The following RAB22A variants were observed in gnomAD, a reference collection of about 807,000 sequenced individuals.
RAB22A encodes the protein RAB22A, member RAS oncogene family, also known as ras-related protein Rab-22A.
Under a neutral mutation model 30.2 loss-of-function variants are expected in RAB22A, and 13 were observed. The observed-to-expected ratio is 0.43, with a 90% CI of 0.28 to 0.68. RAB22A has a LOEUF of 0.68. Ranked by LOEUF, RAB22A falls within the 30% of genes least tolerant of loss-of-function variation. RAB22A has a pLI of 0.18. For synonymous variants in RAB22A, 89 were observed against 87.2 expected (o/e 1.02, Z -0.11); for missense variants, 177 against 246.8 (o/e 0.72, Z 1.89).
At chr20:58,344,203 A>G (rs1986905476) in intron 3 of RAB22A, among the ~76,000 whole-genome samples, 1 of 152,256 alleles carries the variant, frequency 6.6e-6, no homozygotes, top group African/African-American at 2.4e-5. Flanking sequence ...GGAACTTTAC[A>G]GCATATGAAG....
intron 6 of RAB22A, 131 bp downstream of exon 6, chr20:58,354,396 G>T: frequency 1.7e-6 from 1 of 597,398 alleles, no homozygotes. Context: ...AATGAAGTTG[G>T]AGAAGGTAAG....
chr20:58,317,220 C>CTGTAGCT (rs1986359638), intron 2 of RAB22A, among the ~76,000 whole-genome samples: 1 of 152,048 alleles, frequency 6.6e-6, no homozygotes, highest in African/African-American at 2.4e-5. Flanking sequence ...TTTCGACCTC[C>CTGTAGCT]CGAGTAGCTG....
chr20:58,345,107 G>A (rs1011493207), intron 3 of RAB22A, among the ~76,000 whole-genome samples: 50 of 152,150 alleles, frequency 3.3e-4, no homozygotes, highest in African/African-American at 1.2e-3. Context: ...CCACGAATCC[G>A]TGTGGCCCTT....
At chr20:58,312,380 A>G (rs1168420702) in intron 2 of RAB22A, among the ~76,000 whole-genome samples, 7 of 142,650 alleles carry the variant, frequency 4.9e-5, no homozygotes, top group African/African-American at 1.6e-4. Context: ...CACCTCAGGT[A>G]GCTGAGATCA....
chr20:58,338,455 A>C (rs1223958793), intron 2 of RAB22A, among the ~76,000 whole-genome samples: 1 of 152,220 alleles, frequency 6.6e-6, no homozygotes, highest in African/African-American at 2.4e-5. Context: ...TCCGTTGTGC[A>C]CCACTCTGCT....
intron 2 of RAB22A, among the ~76,000 whole-genome samples, chr20:58,332,833 G>A (rs1161856330): frequency 1.3e-5 from 2 of 151,896 alleles, no homozygotes; most frequent in African/African-American, 4.8e-5. Context: ...GCTGATAACC[G>A]GAAATAAAGA....
Position 58,309,897 on chromosome 20 carries a change from C to T in RAB22A, c.-80C>T. ...CTGGGCCGTGCGGCGGCAGCGGCGCCAGGGGATGCTCTTGCTGGGCCTGGC... is the reference window on the plus strand; with the variant it reads ...CTGGGCCGTGCGGCGGCAGCGGCGCTAGGGGATGCTCTTGCTGGGCCTGGC... On this transcript the variant is annotated 5_prime_UTR_variant, in exon 1 of 7. Coordinates refer to ENST00000244040, the MANE Select transcript of RAB22A (RefSeq NM_020673.3). 1 of 1,220,830 alleles carries T rather than the reference C, an allele frequency of 8.2e-7. No individual in the cohort carries two copies. Among genetic ancestry groups the T allele is most frequent in the Non-Finnish European group, 1.0e-6 (1 of 964,302 alleles). The allele number at this position is 1,220,830 out of a possible 1,614,324, so 75.6% of individuals were successfully genotyped here.
chr20:58,332,441 A>G (rs1400040710), intron 2 of RAB22A, among the ~76,000 whole-genome samples: 1 of 152,194 alleles, frequency 6.6e-6, no homozygotes, highest in Non-Finnish European at 1.5e-5. Flanking sequence ...GCAAGAATCC[A>G]TGGGTGGAGC....
chr20:58,332,775 T>C (rs572516847), intron 2 of RAB22A, among the ~76,000 whole-genome samples: 1 of 151,792 alleles, frequency 6.6e-6, no homozygotes, highest in South Asian at 2.1e-4. Context: ...TCAGGATAAA[T>C]ACAAAACAAA....
At chr20:58,344,794 A>G (rs1986918272) in intron 3 of RAB22A, among the ~76,000 whole-genome samples, 1 of 152,230 alleles carries the variant, frequency 6.6e-6, no homozygotes, top group South Asian at 2.1e-4. Flanking sequence ...ACAAGCCATT[A>G]CTGTTGTCCT....
chr20:58,342,167 T>A (rs1189621583), intron 2 of RAB22A, among the ~76,000 whole-genome samples: 1 of 152,204 alleles, frequency 6.6e-6, no homozygotes, highest in Admixed American at 6.5e-5. Flanking sequence ...ATGTTGTACA[T>A]CCTGATTTAA....
chr20:58,352,710 T>C (rs1232311847), intron 3 of RAB22A, among the ~76,000 whole-genome samples: 2 of 152,150 alleles, frequency 1.3e-5, no homozygotes, highest in African/African-American at 2.4e-5. Context: ...AGGGTTAAAT[T>C]GATGTAAATG....
chr20:58,315,660 G>A (rs1178321138), intron 2 of RAB22A, among the ~76,000 whole-genome samples: 1 of 152,036 alleles, frequency 6.6e-6, no homozygotes, highest in African/African-American at 2.4e-5. Context: ...AATGGTGGTG[G>A]TGTGTAGTGG....
In RAB22A at chr20:58,336,277, G is replaced by C. The variant is rs566668399; in HGVS notation, c.117-7441G>C. 2.0e-5 allele frequency among the ~76,000 whole-genome samples: 3 copies of C among 152,324 alleles called. No individual in the cohort carries two copies. The East Asian group carries it at 5.8e-4, about 29-fold the overall frequency. ...TCCACTCGCCTTGGCCTTCCAAAGT[G>C]CTGGGATTACGGGTATGAGCCACGG... On this transcript the variant is annotated intron_variant, in intron 2 of 6. Transcript: ENST00000244040.
At chr20:58,357,090 G>C (rs375688364) in intron 6 of RAB22A, among the ~76,000 whole-genome samples, 1 of 152,092 alleles carries the variant, frequency 6.6e-6, no homozygotes, top group African/African-American at 2.4e-5. Flanking sequence ...CAGCTTTACC[G>C]CCAACCAGTT....
chr20:58,338,791 C>T (rs1986806156), intron 2 of RAB22A, among the ~76,000 whole-genome samples: 1 of 152,202 alleles, frequency 6.6e-6, no homozygotes, highest in African/African-American at 2.4e-5. Flanking sequence ...TGCCTTTGGT[C>T]TTTTTATGTC....
chr20:58,330,474 C>T (rs949109737), intron 2 of RAB22A, among the ~76,000 whole-genome samples: 1 of 151,840 alleles, frequency 6.6e-6, no homozygotes, highest in African/African-American at 2.4e-5. Flanking sequence ...CCTTGGGTCA[C>T]ATTTTCTTGG....
intron 5 of RAB22A, 56 bp downstream of exon 5, chr20:58,353,594 A>C: frequency 7.5e-7 from 1 of 1,329,180 alleles, no homozygotes; most frequent in Non-Finnish European, 1.1e-6. Flanking sequence ...TTTCTTAATA[A>C]GCAATATCCA....
intron 1 of RAB22A, among the ~76,000 whole-genome samples, chr20:58,310,236 C>A (rs924680774): frequency 6.6e-6 from 1 of 152,148 alleles, no homozygotes; most frequent in Non-Finnish European, 1.5e-5. Flanking sequence ...CCCTGGAGCC[C>A]GTGGACTCTT....
Sources: allele counts gnomAD v4.1 joint callset (sites outside exome capture counted in the v4.1 genomes callset), GRCh38; gene constraint gnomAD v4.1.1; transcripts MANE v1.5; gene names NCBI Gene and HGNC (gene_info 2026-07-23, HGNC 2026-07-21).